The following BDP1 variants were observed in gnomAD, a reference collection of about 807,000 sequenced individuals.
BDP1 encodes BDP1 general transcription factor IIIB subunit.
BDP1 carries 169 observed loss-of-function variants against 266.6 expected under a neutral mutation model. The observed-to-expected ratio is 0.63, with a 90% CI of 0.56 to 0.72. BDP1 has a LOEUF of 0.72. BDP1 is among the 30% of genes least tolerant of loss of function. The pLI is 0.00. For synonymous variants in BDP1, 1,090 were observed against 1,022.4 expected (o/e 1.07, Z -1.26); for missense variants, 3,015 against 3,053.8 (o/e 0.99, Z 0.30).
intron 25 of BDP1, among the ~76,000 whole-genome samples, chr5:71,528,207 A>G (rs1235988707): frequency 6.6e-6 from 1 of 152,220 alleles, no homozygotes; most frequent in African/African-American, 2.4e-5. Context: ...CATCCCTATC[A>G]ACAGTGTACA....
downstream of BDP1, among the ~76,000 whole-genome samples, chr5:71,572,065 TTGA>T (rs1433087520): frequency 2.0e-5 from 3 of 152,216 alleles, no homozygotes; most frequent in Non-Finnish European, 2.9e-5. Context: ...CCCCGGCTCC[TTGA>T]GGTTATCTAC....
At chr5:71,523,743 A>G (rs1401015040) in intron 24 of BDP1, among the ~76,000 whole-genome samples, 196 bp from the exon 25 acceptor site, 1 of 152,232 alleles carries the variant, frequency 6.6e-6, no homozygotes, top group Non-Finnish European at 1.5e-5. Flanking sequence ...GTAGGTAGAT[A>G]ACTAAGAATT....
intron 8 of BDP1, 147 bp from the exon 9 acceptor site, chr5:71,486,337 T>C (rs1763258711): frequency 1.7e-6 from 1 of 581,938 alleles, no homozygotes; most frequent in Non-Finnish European, 2.9e-6. Context: ...CCTATTCTGT[T>C]GCTGAGTGGT....
At chr5:71,484,199 A>G (rs1409806751) in intron 8 of BDP1, among the ~76,000 whole-genome samples, 1 of 152,136 alleles carries the variant, frequency 6.6e-6, no homozygotes, top group Non-Finnish European at 1.5e-5. Flanking sequence ...GGAGGAGATC[A>G]TTGTTTCTGG....
At chr5:71,551,139 A>G (rs1444301839) in intron 34 of BDP1, among the ~76,000 whole-genome samples, 2 of 150,248 alleles carry the variant, frequency 1.3e-5, no homozygotes, top group African/African-American at 2.4e-5. Context: ...TTAATTGATC[A>G]TTCTTGGGTG....
chr5:71,477,166 T>C (rs1440410992), intron 7 of BDP1, among the ~76,000 whole-genome samples: 1 of 151,152 alleles, frequency 6.6e-6, no homozygotes, highest in African/African-American at 2.4e-5. Context: ...TTTCCTTTTC[T>C]TTTTTTTTCT....
chr5:71,471,389 A>C (rs1179246765), intron 7 of BDP1, among the ~76,000 whole-genome samples: 1 of 152,064 alleles, frequency 6.6e-6, no homozygotes, highest in Non-Finnish European at 1.5e-5. Context: ...TGATTCACCC[A>C]CCTTGGCCTC....
chr5:71,555,049 A>G (rs1185955331), intron 35 of BDP1, among the ~76,000 whole-genome samples: 1 of 152,206 alleles, frequency 6.6e-6, no homozygotes, highest in Admixed American at 6.5e-5. Context: ...ATTGTAGGAT[A>G]CACATACACT....
chr5:71,522,183 T>C (rs1765527819), intron 22 of BDP1, 106 bp from the exon 23 acceptor site: 1 of 846,714 alleles, frequency 1.2e-6, no homozygotes, highest in South Asian at 1.7e-5. Context: ...ATATAGTCCT[T>C]TGAACATAGA....
At position 71,549,531 on chromosome 5, in the gene BDP1, A is replaced by G. The variant is rs765215237; in HGVS notation, c.6920A>G (p.Gln2307Arg). 1 of 1,614,020 alleles carries G rather than the reference A, an allele frequency of 6.2e-7. No homozygotes were observed. The highest frequency in any genetic ancestry group is 1.1e-5 in the South Asian group (1 of 91,006). Reference sequence around the variant, plus strand: ...GAAGAATTTACTGATGCCACTGCACAGTTCATGCCAAACCCTTTACTGCCA... The same window carrying G: ...GAAGAATTTACTGATGCCACTGCACGGTTCATGCCAAACCCTTTACTGCCA... ...AVEEFTDATAQFMPNPLLPAP... is the reference protein window; with the variant it reads ...AVEEFTDATARFMPNPLLPAP... Residue 2307 changes from glutamine to arginine, a missense_variant, in exon 34 of 39, where the codon CAG becomes CGG. Transcript: ENST00000358731.
chr5:71,481,098 C>T (rs751174982), intron 7 of BDP1, among the ~76,000 whole-genome samples: 3 of 151,550 alleles, frequency 2.0e-5, no homozygotes, highest in Admixed American at 6.6e-5. Flanking sequence ...GGCATGAACC[C>T]GGGATGCAGA....
chr5:71,556,650 T>C (rs1743235746), intron 35 of BDP1, among the ~76,000 whole-genome samples: 2 of 152,172 alleles, frequency 1.3e-5, no homozygotes, highest in South Asian at 4.1e-4. Context: ...TTTGATACTT[T>C]TGCACTGATA....
rs554563241 is a variant in BDP1 at position 71,553,613 on chromosome 5, A to G, written c.7200+293A>G. Among the ~76,000 whole-genome samples the G allele has an allele frequency of 3.5e-3, 535 of 152,216 alleles. 9 individuals are homozygous for G. Among genetic ancestry groups the G allele is most frequent in the African/African-American group, 0.012 (495 of 41,530 alleles). On this transcript the variant is annotated intron_variant, in intron 35 of 38. Transcript: ENST00000358731. The stretch of plus-strand genomic sequence containing the variant: ...TATATGTCTGGATCTTGGCTCTACC[A>G]CCTAGTAGCTGTAACACCTTAGGCA...
chr5:71,481,489 C>G (rs1381639846), intron 7 of BDP1, among the ~76,000 whole-genome samples: 1 of 149,510 alleles, frequency 6.7e-6, no homozygotes, highest in African/African-American at 2.5e-5. Context: ...CCTGGGAGAT[C>G]AAGGCTGCAG....
rs1291007093 is a variant in BDP1 at position 71,458,576 on chromosome 5, C to G, written c.213-3C>G. 1 of 1,581,690 alleles carries G rather than the reference C, an allele frequency of 6.3e-7. No individual in the cohort carries two copies. Among genetic ancestry groups the G allele is most frequent in the Admixed American group, 1.9e-5 (1 of 53,206 alleles). On this transcript the variant is annotated splice_polypyrimidine_tract_variant and splice_region_variant and intron_variant, in intron 1 of 38. Transcript: ENST00000358731. ...CCTCTTTTTTCTTTTTTAATTTCAA[C>G]AGTACTGAAAAGACTGGTGGTGACA... is the stretch of plus-strand genomic sequence containing the variant.
At chr5:71,570,048 G>A (rs1744216980), downstream of BDP1, among the ~76,000 whole-genome samples, 1 of 152,152 alleles carries the variant, frequency 6.6e-6, no homozygotes, top group African/African-American at 2.4e-5. Flanking sequence ...TAAGGAAACT[G>A]TGTGATGATT....
chr5:71,547,057 T>G (rs189624310), intron 32 of BDP1, among the ~76,000 whole-genome samples: 123 of 152,262 alleles, frequency 8.1e-4, no homozygotes, highest in African/African-American at 2.7e-3. Flanking sequence ...TTCACTATGT[T>G]GGCCAGGCTG....
At chr5:71,496,038 T>C (rs929746416) in intron 12 of BDP1, among the ~76,000 whole-genome samples, 1 of 151,926 alleles carries the variant, frequency 6.6e-6, no homozygotes, top group Non-Finnish European at 1.5e-5. Context: ...GTCAGGAGAT[T>C]GAGACCATCC....
At chr5:71,562,732 A>G (rs752964181) in intron 38 of BDP1, 1 of 1,463,862 alleles carries the variant, frequency 6.8e-7, no homozygotes, top group South Asian at 1.2e-5. Context: ...GAGCCATTGA[A>G]CTAACCATAA....
Sources: allele counts gnomAD v4.1 joint callset (sites outside exome capture counted in the v4.1 genomes callset), GRCh38; gene constraint gnomAD v4.1.1; transcripts MANE v1.5; gene names NCBI Gene and HGNC (gene_info 2026-07-23, HGNC 2026-07-21).